The following CBFA2T2 variants were observed in gnomAD, a reference collection of about 807,000 sequenced individuals.
The protein encoded by CBFA2T2 is protein CBFA2T2.
CBFA2T2 carries 11 observed loss-of-function variants against 62.2 expected under a neutral mutation model. The observed-to-expected ratio is 0.18, with a 90% CI of 0.11 to 0.29. CBFA2T2 has a LOEUF of 0.29. Among genes scored for constraint, CBFA2T2 ranks in the 10% least tolerant of loss-of-function variants. The probability of loss-of-function intolerance (pLI) is 1.00; values close to 1 mark genes in which losing one functional copy is unlikely to be tolerated. For synonymous variants in CBFA2T2, 295 were observed against 287.5 expected (o/e 1.03, Z -0.27); for missense variants, 592 against 774.1 (o/e 0.76, Z 2.79).
At chr20:33,536,039 A>C (rs2012211706) in intron 1 of CBFA2T2, among the ~76,000 whole-genome samples, 1 of 152,228 alleles carries the variant, frequency 6.6e-6, no homozygotes, top group South Asian at 2.1e-4. Flanking sequence ...CTTGGTACAG[A>C]ACAAAATGAA....
At chr20:33,640,133 TC>T (rs1373824230) in intron 9 of CBFA2T2, among the ~76,000 whole-genome samples, 4 of 152,126 alleles carry the variant, frequency 2.6e-5, no homozygotes, top group Non-Finnish European at 4.4e-5. Context: ...GTCACTTGCG[TC>T]CACAGCCCTA....
chr20:33,493,135 G>T (rs2011161970), intron 1 of CBFA2T2, among the ~76,000 whole-genome samples: 1 of 148,742 alleles, frequency 6.7e-6, no homozygotes, highest in Non-Finnish European at 1.5e-5. Context: ...GCGTGCAATG[G>T]CATGATCTCG....
intron 5 of CBFA2T2, 70 bp downstream of exon 5, chr20:33,623,366 A>G (rs2016071943): frequency 1.3e-6 from 2 of 1,557,538 alleles, no homozygotes. Flanking sequence ...CTTATAAAAG[A>G]GAGAGAATTT....
chr20:33,568,147 C>G (rs1018958187), intron 1 of CBFA2T2, among the ~76,000 whole-genome samples: 7 of 152,148 alleles, frequency 4.6e-5, no homozygotes, highest in African/African-American at 1.7e-4. Context: ...TCAGTTTTCT[C>G]AGCTGTAAAA....
chr20:33,593,391 ATT>A (rs754319345), intron 1 of CBFA2T2, among the ~76,000 whole-genome samples: 7,786 of 109,956 alleles, frequency 0.071, 451 homozygotes, highest in African/African-American at 0.21. Flanking sequence ...TCTTGACTGG[ATT>A]TTTTTTTTTT....
At chr20:33,641,181 T>C (rs2016824156) in intron 10 of CBFA2T2, among the ~76,000 whole-genome samples, 1 of 152,038 alleles carries the variant, frequency 6.6e-6, no homozygotes, top group African/African-American at 2.4e-5. Flanking sequence ...TACAGGTGCC[T>C]GCCACCACAC....
chr20:33,621,188 T>C (rs1348776743), intron 4 of CBFA2T2, among the ~76,000 whole-genome samples: 1 of 152,146 alleles, frequency 6.6e-6, no homozygotes. Flanking sequence ...ACAGAAAAAC[T>C]GTATTCAATT....
chr20:33,502,727 T>A (rs1198082919), intron 1 of CBFA2T2, among the ~76,000 whole-genome samples: 1 of 150,038 alleles, frequency 6.7e-6, no homozygotes, highest in African/African-American at 2.4e-5. Context: ...CTTACCCTCT[T>A]CTTGGAATCG....
chr20:33,552,453 G>C (rs771492264), intron 1 of CBFA2T2, among the ~76,000 whole-genome samples: 1 of 152,142 alleles, frequency 6.6e-6, no homozygotes, highest in Non-Finnish European at 1.5e-5. Context: ...GCTACTCCAG[G>C]CTCTTTCTGC....
At chr20:33,522,510 T>G (rs1414711637) in intron 1 of CBFA2T2, among the ~76,000 whole-genome samples, 1 of 151,728 alleles carries the variant, frequency 6.6e-6, no homozygotes, top group Non-Finnish European at 1.5e-5. Flanking sequence ...GGAGGATTGT[T>G]TGAGGCCAGG....
rs150478190 is a variant in CBFA2T2 at position 33,519,483 on chromosome 20, AT to A, written c.34+29184del. Reference sequence around the variant, plus strand: ...AGACTCTGTCTCAGAAAATAAATAAATTATTTAAATAAAGAGTATTAGAGGT... The same window carrying A: ...AGACTCTGTCTCAGAAAATAAATAAATATTTAAATAAAGAGTATTAGAGGT... On this transcript the variant is annotated intron_variant, in intron 1 of 10. Coordinates refer to ENST00000342704, the MANE Select transcript of CBFA2T2 (RefSeq NM_001032999.3). Among the ~76,000 whole-genome samples the A allele has an allele frequency of 7.8e-3, 1,194 of 152,246 alleles. 18 individuals are homozygous for A. Among genetic ancestry groups the A allele is most frequent in the African/African-American group, 0.026 (1,093 of 41,540 alleles).
intron 1 of CBFA2T2, among the ~76,000 whole-genome samples, chr20:33,559,128 CATTTT>C (rs2013006752): frequency 1.4e-5 from 2 of 143,892 alleles, no homozygotes; most frequent in Non-Finnish European, 3.0e-5. Context: ...ATGATTTAAA[CATTTT>C]ATTGTGTTTC....
At chr20:33,498,381 C>T (rs1407565530) in intron 1 of CBFA2T2, among the ~76,000 whole-genome samples, 2 of 150,992 alleles carry the variant, frequency 1.3e-5, no homozygotes, top group Non-Finnish European at 2.9e-5. Flanking sequence ...CTTCCCAAGT[C>T]GCTGGGTTTA....
Position 33,490,221 on chromosome 20 carries a change from C to G in CBFA2T2, c.-47C>G. ...GAGGCGGGCGGCGCCTGCGAGGGAC[C>G]CGTGTCGCGGGTAGAGGCGGGCGGC... On this transcript the variant is annotated 5_prime_UTR_variant, in exon 1 of 11. Transcript: ENST00000342704. 8.2e-7 allele frequency: 1 copy of G among 1,220,328 alleles called. No individual in the cohort carries two copies. The highest frequency in any genetic ancestry group is 3.3e-5 in the East Asian group (1 of 30,638). 75.6% of individuals were successfully genotyped at this position (1,220,328 alleles called of 1,614,324 possible).
intron 1 of CBFA2T2, among the ~76,000 whole-genome samples, chr20:33,535,612 TTTTATTTTTTC>T (rs2012187111): frequency 2.0e-5 from 3 of 146,516 alleles, no homozygotes; most frequent in African/African-American, 7.9e-5. Flanking sequence ...ATTTTTATTT[TTTTATTTTTTC>T]TTTTTTTTTT....
chr20:33,643,570 C>G (rs140377929), intron 10 of CBFA2T2, among the ~76,000 whole-genome samples: 109 of 151,490 alleles, frequency 7.2e-4, no homozygotes, highest in Middle Eastern at 3.4e-3. Context: ...AAAAACAAAA[C>G]AGCAGCAGCA....
At chr20:33,566,031 T>A (rs1036234654) in intron 1 of CBFA2T2, among the ~76,000 whole-genome samples, 1 of 152,210 alleles carries the variant, frequency 6.6e-6, no homozygotes, top group African/African-American at 2.4e-5. Context: ...AGAGATGACC[T>A]ATGGACAATA....
At chr20:33,529,341 C>T (rs1568802375) in intron 1 of CBFA2T2, among the ~76,000 whole-genome samples, 1 of 151,978 alleles carries the variant, frequency 6.6e-6, no homozygotes, top group Non-Finnish European at 1.5e-5. Flanking sequence ...TTATTTTTAC[C>T]TTACGACATT....
chr20:33,493,068 GTTTT>G (rs1157324208), intron 1 of CBFA2T2, among the ~76,000 whole-genome samples: 5 of 88,110 alleles, frequency 5.7e-5, no homozygotes, highest in South Asian at 4.2e-4. Context: ...TGAAGTTTTG[GTTTT>G]TTTTTTTTTT....
Sources: allele counts gnomAD v4.1 joint callset (sites outside exome capture counted in the v4.1 genomes callset), GRCh38; gene constraint gnomAD v4.1.1; transcripts MANE v1.5; gene names NCBI Gene and HGNC (gene_info 2026-07-23, HGNC 2026-07-21).